The following GTF2A1L variants were observed in gnomAD, a reference collection of about 807,000 sequenced individuals.
GTF2A1L encodes the protein TFIIA-alpha and beta-like factor.
Under a neutral mutation model 49.7 loss-of-function variants are expected in GTF2A1L, and 48 were observed. That is an observed-to-expected ratio of 0.97 (90% CI 0.77 to 1.23). The LOEUF is 1.23. Ranked by LOEUF, GTF2A1L falls within the 50% of genes most tolerant of loss-of-function variation. The probability of loss-of-function intolerance (pLI) is 0.00; values close to 1 mark genes in which losing one functional copy is unlikely to be tolerated. For synonymous variants in GTF2A1L, 246 were observed against 193.5 expected, an observed-to-expected ratio of 1.27 and a Z score of -2.25; for missense variants, 736 against 564.8, an observed-to-expected ratio of 1.30 and a Z score of -3.07.
rs117419977 is a variant in GTF2A1L, at chr2:48,649,277, G to A, written c.978+2235G>A. ...GTGTCAGAATTTCATTCCTTTTTAAGGCTGAATCATGTGAGTTTGACAATT... is the reference window on the plus strand; with the variant it reads ...GTGTCAGAATTTCATTCCTTTTTAAAGCTGAATCATGTGAGTTTGACAATT... On this transcript the variant is annotated intron_variant, in intron 6 of 8. Transcript: ENST00000403751. 1.1e-3 allele frequency among the ~76,000 whole-genome samples: 170 copies of A among 152,208 alleles called. 1 individual carries two copies. In the East Asian group the frequency reaches 0.031, roughly 28 times the overall value.
chr2:48,658,190 G>C (rs2104258553), intron 6 of GTF2A1L, among the ~76,000 whole-genome samples: 1 of 152,230 alleles, frequency 6.6e-6, no homozygotes, highest in Middle Eastern at 3.4e-3. Context: ...CTGATGTCCA[G>C]AATGGTGTTT....
At chr2:48,648,927 T>C (rs1268002228) in intron 6 of GTF2A1L, among the ~76,000 whole-genome samples, 1 of 152,172 alleles carries the variant, frequency 6.6e-6, no homozygotes, top group Non-Finnish European at 1.5e-5. Flanking sequence ...TCAAAGACTT[T>C]ACAAGTAGTT....
At chr2:48,650,432 G>A (rs952255907) in intron 6 of GTF2A1L, among the ~76,000 whole-genome samples, 4 of 152,174 alleles carry the variant, frequency 2.6e-5, no homozygotes, top group Admixed American at 6.5e-5. Flanking sequence ...AACCACTGAT[G>A]TAGCTCAAAA....
chr2:48,673,462 A>G (rs1679284448), intron 8 of GTF2A1L, among the ~76,000 whole-genome samples: 1 of 148,608 alleles, frequency 6.7e-6, no homozygotes, highest in Non-Finnish European at 1.5e-5. Flanking sequence ...TCCCGGGTTC[A>G]AAGGATCTTC....
intron 7 of GTF2A1L, among the ~76,000 whole-genome samples, chr2:48,670,664 A>C (rs1194919714): frequency 6.6e-6 from 1 of 152,196 alleles, no homozygotes; most frequent in Non-Finnish European, 1.5e-5. Flanking sequence ...TATATGTGCC[A>C]GGCATCATAT....
At chr2:48,637,862 A>G (rs1216807065) in intron 3 of GTF2A1L, among the ~76,000 whole-genome samples, 1 of 152,024 alleles carries the variant, frequency 6.6e-6, no homozygotes, top group East Asian at 1.9e-4. Context: ...AAGAGAGAAG[A>G]TCCAAATAAA....
chr2:48,621,110 G>A lies in GTF2A1L; in HGVS notation c.124-57G>A. On this transcript the variant is annotated intron_variant, in intron 2 of 8. Coordinates refer to ENST00000403751, the MANE Select transcript of GTF2A1L (RefSeq NM_006872.5). Reference sequence around the variant, plus strand: ...TTTTAAGAAACTGAAAAAAAGAGAAGTATCATTATATGTGTATATATTTTT... The same window carrying A: ...TTTTAAGAAACTGAAAAAAAGAGAAATATCATTATATGTGTATATATTTTT... 3.2e-6 allele frequency: 5 copies of A among 1,550,162 alleles called. No individual in the cohort carries two copies. In the South Asian group the frequency reaches 5.0e-5, roughly 15 times the overall value.
At position 48,669,710 on chromosome 2, in the gene GTF2A1L, T is replaced by C; in HGVS notation, c.979-12T>C. ...TTGACTTGAACTTTATTGTATTTCT[T>C]TCTCTTTTTAGGATTCTAATTCTCA... is the stretch of plus-strand genomic sequence containing the variant. On this transcript the variant is annotated splice_polypyrimidine_tract_variant and intron_variant, in intron 6 of 8. Transcript: ENST00000403751. The C allele has an allele frequency of 6.3e-7, 1 of 1,596,196 alleles. No individual in the cohort carries two copies. Among genetic ancestry groups the C allele is most frequent in the Non-Finnish European group, 8.5e-7 (1 of 1,170,266 alleles).
chr2:48,623,407 T>A (rs1387832627), intron 3 of GTF2A1L, among the ~76,000 whole-genome samples: 1 of 152,148 alleles, frequency 6.6e-6, no homozygotes, highest in Non-Finnish European at 1.5e-5. Flanking sequence ...GAATGGCTAT[T>A]ATTAAAAAAC....
At chr2:48,622,593 G>A (rs1264615828) in intron 3 of GTF2A1L, among the ~76,000 whole-genome samples, 2 of 152,096 alleles carry the variant, frequency 1.3e-5, no homozygotes, top group African/African-American at 2.4e-5. Context: ...GGCCGAGGTG[G>A]GTGGATCACC....
chr2:48,662,180 A>C lies in GTF2A1L; in HGVS notation c.979-7542A>C, dbSNP rs528629443. On this transcript the variant is annotated intron_variant, in intron 6 of 8. Transcript: ENST00000403751. ...CTCGTTTACAACTTTGCCCTCCCCTACTTTGTCTTATTGTTGTTACAGATT... is the reference window on the plus strand; with the variant it reads ...CTCGTTTACAACTTTGCCCTCCCCTCCTTTGTCTTATTGTTGTTACAGATT... 1.4e-4 allele frequency among the ~76,000 whole-genome samples: 22 copies of C among 152,242 alleles called. 2 individuals are homozygous for C. Among genetic ancestry groups the C allele is most frequent in the African/African-American group, 5.3e-4 (22 of 41,554 alleles).
Position 48,645,108 on chromosome 2 carries a change from A to ACTGTATCTGGTGT in GTF2A1L, c.388+3_388+4insTCTGTATCTGGTG. 6.2e-7 allele frequency: 1 copy of ACTGTATCTGGTGT among 1,609,582 alleles called. No individual in the cohort carries two copies. Among genetic ancestry groups the ACTGTATCTGGTGT allele is most frequent in the Non-Finnish European group, 8.5e-7 (1 of 1,178,540 alleles). On this transcript the variant is annotated frameshift_variant, in exon 5 of 9. Coordinates refer to ENST00000403751, the MANE Select transcript of GTF2A1L (RefSeq NM_006872.5). LOFTEE classifies it high-confidence loss of function. ...TGTACCAGCAGGTGTGACACTACAG[A>ACTGTATCTGGTGT]CTGTATCTGGTGAGAGTATATTCTA... is the stretch of plus-strand genomic sequence containing the variant.
At chr2:48,641,432 A>G (rs1243920429) in intron 3 of GTF2A1L, among the ~76,000 whole-genome samples, 2 of 152,184 alleles carry the variant, frequency 1.3e-5, no homozygotes, top group African/African-American at 2.4e-5. Flanking sequence ...TGACGGAGCC[A>G]TTCTAATGTC....
chr2:48,647,156 T>A, intron 6 of GTF2A1L, 114 bp downstream of exon 6: 1 of 1,017,776 alleles, frequency 9.8e-7, no homozygotes, highest in Non-Finnish European at 1.3e-6. Flanking sequence ...ATTTTGTTTT[T>A]TTCTTTAGAA....
intron 8 of GTF2A1L, among the ~76,000 whole-genome samples, chr2:48,673,303 TA>T (rs1410937858): frequency 3.3e-5 from 5 of 151,384 alleles, no homozygotes; most frequent in African/African-American, 1.2e-4. Flanking sequence ...AAAGACAGAT[TA>T]ACAAGAGAAA....
intron 1 of GTF2A1L, 47 bp downstream of exon 1, chr2:48,617,942 C>T (rs1274623336): frequency 1.8e-5 from 28 of 1,541,544 alleles, no homozygotes; most frequent in African/African-American, 1.4e-5. Context: ...CCTGGGACTC[C>T]GGGTTCACGG....
At chr2:48,677,230 A>G (rs1015358883) in intron 8 of GTF2A1L, among the ~76,000 whole-genome samples, 17 of 151,964 alleles carry the variant, frequency 1.1e-4, no homozygotes, top group African/African-American at 3.9e-4. Flanking sequence ...GTCTGGTTCA[A>G]AATAAAACCC....
rs138367540 is a variant in GTF2A1L, at chr2:48,650,518, C to G, written c.978+3476C>G. Among the ~76,000 whole-genome samples the G allele has an allele frequency of 1.9e-4, 29 of 152,198 alleles. 1 individual carries two copies. The East Asian group carries it at 5.4e-3, about 28-fold the overall frequency. ...CTAAGTAAGAGTTTTCATTTTTCTTCTAAGTCCACACATATTCCTCTAAAA... is the reference window on the plus strand; with the variant it reads ...CTAAGTAAGAGTTTTCATTTTTCTTGTAAGTCCACACATATTCCTCTAAAA... On this transcript the variant is annotated intron_variant, in intron 6 of 8. Coordinates refer to ENST00000403751, the MANE Select transcript of GTF2A1L (RefSeq NM_006872.5).
intron 3 of GTF2A1L, among the ~76,000 whole-genome samples, chr2:48,622,742 G>T (rs750148152): frequency 1.7e-4 from 26 of 151,458 alleles, no homozygotes; most frequent in Admixed American, 6.6e-5. Context: ...GCTGAGGCAG[G>T]ATAATCACTT....
Sources: allele counts gnomAD v4.1 joint callset (sites outside exome capture counted in the v4.1 genomes callset), GRCh38; gene constraint gnomAD v4.1.1; transcripts MANE v1.5; gene names NCBI Gene and HGNC (gene_info 2026-07-23, HGNC 2026-07-21).